The following HIPK2 variants were observed in gnomAD, a reference collection of about 807,000 sequenced individuals.
HIPK2 encodes the protein homeodomain-interacting protein kinase 2.
A neutral mutation model predicts 113.7 loss-of-function variants in HIPK2; 27 were observed. That is an observed-to-expected ratio of 0.24 (90% confidence interval 0.17 to 0.33). HIPK2 has a LOEUF of 0.33. Among genes scored for constraint, HIPK2 ranks in the 10% least tolerant of loss-of-function variants. The pLI is 1.00. For missense variants in HIPK2, 1,257 were observed against 1,588.0 expected (o/e 0.79, Z 3.54); for synonymous variants, 631 against 642.2 (o/e 0.98, Z 0.26).
chr7:139,637,170 T>C (rs1800842060), intron 2 of HIPK2, among the ~76,000 whole-genome samples: 1 of 152,200 alleles, frequency 6.6e-6, no homozygotes, highest in Admixed American at 6.5e-5. Flanking sequence ...CACCTGGAGC[T>C]TCCACTGCAG....
At chr7:139,610,341 G>A (rs1458115830) in intron 9 of HIPK2, among the ~76,000 whole-genome samples, 3 of 152,316 alleles carry the variant, frequency 2.0e-5, no homozygotes, top group East Asian at 1.9e-4. Context: ...TCACAAAGGC[G>A]GAGCACTGGG....
intron 2 of HIPK2, among the ~76,000 whole-genome samples, chr7:139,677,906 G>A (rs547386225): frequency 2.6e-4 from 39 of 152,254 alleles, no homozygotes; most frequent in African/African-American, 5.8e-4. Context: ...TTTAATGATC[G>A]CCATTCTAAC....
intron 12 of HIPK2, among the ~76,000 whole-genome samples, chr7:139,589,109 T>A (rs543942442): frequency 3.3e-5 from 5 of 152,330 alleles, no homozygotes; most frequent in African/African-American, 1.2e-4. Flanking sequence ...CAGTCCTAGC[T>A]CTGCTGTTCC....
Position 139,572,910 on chromosome 7 carries a change from T to TC in HIPK2, c.*16dup. 24 of 217,216 alleles carry TC rather than the reference T, an allele frequency of 1.1e-4. No individual in the cohort carries two copies. The highest frequency in any genetic ancestry group is 3.9e-4 in the South Asian group (8 of 20,712). 13.5% of individuals were successfully genotyped at this position (217,216 alleles called of 1,614,324 possible). A position where few individuals can be genotyped will look rare whatever the true frequency, so the allele number is the denominator to read the frequency against. On this transcript the variant is annotated 3_prime_UTR_variant, in exon 15 of 15. Coordinates refer to ENST00000406875, the MANE Select transcript of HIPK2 (RefSeq NM_022740.5). ...GCCATTCTCTCCCTCCCTCCCTCCC[T>TC]CCCTCCCCTCCAGTGTTTATATGTA...
Position 139,777,763 on chromosome 7 carries a change from A to C in HIPK2, c.-140T>G, listed in dbSNP as rs1796812000. The C allele has an allele frequency of 1.3e-6, 1 of 778,874 alleles. No homozygotes were observed. The allele number at this position is 778,874 out of a possible 1,614,324, so 48.2% of individuals were successfully genotyped here. A position where few individuals can be genotyped will look rare whatever the true frequency, so the allele number is the denominator to read the frequency against. ...CGCAGCCGAGGCCGCCCGCGCCCGC[A>C]TCACCGCCTCCCGTGGCCGGCGCCG... is the stretch of plus-strand genomic sequence containing the variant. On this transcript the variant is annotated 5_prime_UTR_variant, in exon 1 of 15. The change abolishes an upstream ATG in the 5' untranslated region. Transcript: ENST00000406875.
intron 2 of HIPK2, among the ~76,000 whole-genome samples, chr7:139,659,459 C>G (rs1801790426): frequency 6.6e-6 from 1 of 152,164 alleles, no homozygotes; most frequent in Admixed American, 6.5e-5. Context: ...AGATCTCCAG[C>G]CAGAAGACCC....
At chr7:139,662,859 T>C (rs1300946248) in intron 2 of HIPK2, among the ~76,000 whole-genome samples, 1 of 152,138 alleles carries the variant, frequency 6.6e-6, no homozygotes, top group Non-Finnish European at 1.5e-5. Context: ...CCTCAAGTGA[T>C]TTGCCTGCCT....
intron 2 of HIPK2, among the ~76,000 whole-genome samples, chr7:139,659,892 T>C (rs1292254801): frequency 2.6e-5 from 4 of 152,236 alleles, no homozygotes; most frequent in Admixed American, 2.6e-4. Flanking sequence ...TTGGGTTTAG[T>C]CTCTTCAAAA....
chr7:139,758,855 A>G (rs907470161), intron 1 of HIPK2, among the ~76,000 whole-genome samples: 9 of 152,252 alleles, frequency 5.9e-5, no homozygotes, highest in Non-Finnish European at 1.0e-4. Context: ...ATGTAAACAG[A>G]AAAAAGTAAA....
intron 1 of HIPK2, among the ~76,000 whole-genome samples, chr7:139,742,782 C>A (rs1796125009): frequency 1.3e-5 from 2 of 152,204 alleles, no homozygotes; most frequent in Non-Finnish European, 2.9e-5. Flanking sequence ...CTATAAAAGA[C>A]TTGCACATCT....
intron 2 of HIPK2, among the ~76,000 whole-genome samples, chr7:139,701,490 C>T (rs966490901): frequency 9.5e-4 from 145 of 152,156 alleles, no homozygotes; most frequent in African/African-American, 3.3e-3. Flanking sequence ...AAAGTCATGT[C>T]GGAGAGGTGG....
intron 1 of HIPK2, among the ~76,000 whole-genome samples, chr7:139,751,590 A>AGATGGATGGATGGATG (rs36202472): frequency 6.8e-6 from 1 of 145,986 alleles, no homozygotes; most frequent in Non-Finnish European, 1.5e-5. Context: ...TTGGATGGAT[A>AGATGGATGGATGGATG]GATGGATGGA....
intron 5 of HIPK2, among the ~76,000 whole-genome samples, chr7:139,628,416 A>G (rs939711568): frequency 6.6e-6 from 1 of 152,202 alleles, no homozygotes; most frequent in East Asian, 1.9e-4. Flanking sequence ...CTATATTACA[A>G]CTGGGAACCA....
intron 1 of HIPK2, among the ~76,000 whole-genome samples, chr7:139,742,963 A>G (rs1296125680): frequency 6.6e-6 from 1 of 152,232 alleles, no homozygotes; most frequent in Non-Finnish European, 1.5e-5. Flanking sequence ...TCCATGTCTA[A>G]GGAAAGGCCA....
chr7:139,627,401 A>AT (rs1490683477), intron 5 of HIPK2, among the ~76,000 whole-genome samples: 1 of 152,150 alleles, frequency 6.6e-6, no homozygotes, highest in Non-Finnish European at 1.5e-5. Context: ...CACCTACAGC[A>AT]TATCATCCTT....
chr7:139,573,529 C>G lies in HIPK2; in HGVS notation c.3127-132G>C. 2 of 831,098 alleles carry G rather than the reference C, an allele frequency of 2.4e-6. No homozygotes were observed. Among genetic ancestry groups the G allele is most frequent in the Admixed American group, 2.8e-5 (1 of 36,246 alleles). The allele number at this position is 831,098 out of a possible 1,614,324, so 51.5% of individuals were successfully genotyped here. ...CAGAAGTAATAGAAGGGGCTTCCCT[C>G]TGTGTGTTGAGAAAGTAAAAATTTA... On this transcript the variant is annotated intron_variant, in intron 14 of 14. Coordinates refer to ENST00000406875, the MANE Select transcript of HIPK2 (RefSeq NM_022740.5).
At chr7:139,703,018 T>C (rs917338140) in intron 2 of HIPK2, among the ~76,000 whole-genome samples, 235 of 152,230 alleles carry the variant, frequency 1.5e-3, no homozygotes, top group Non-Finnish European at 2.5e-3. Flanking sequence ...AAATGACTGG[T>C]TACCCTCCTG....
intron 2 of HIPK2, among the ~76,000 whole-genome samples, chr7:139,636,610 A>G (rs757278151): frequency 6.6e-6 from 1 of 152,124 alleles, no homozygotes; most frequent in Non-Finnish European, 1.5e-5. Context: ...TGATGCTGCC[A>G]CAAGCCAAGG....
intron 2 of HIPK2, among the ~76,000 whole-genome samples, chr7:139,679,698 A>C (rs993320900): frequency 6.6e-6 from 1 of 152,164 alleles, no homozygotes; most frequent in African/African-American, 2.4e-5. Flanking sequence ...ATTCCTACTG[A>C]AGCTTGAAAT....
Sources: gnomAD v4.1 joint callset for allele counts (sites outside exome capture counted in the v4.1 genomes callset) on GRCh38, gnomAD v4.1.1 for gene constraint, MANE v1.5 for transcripts, NCBI Gene and HGNC (gene_info 2026-07-23, HGNC 2026-07-21) for gene names.